PTCHD4: variants seen among roughly 807,000 people sequenced by gnomAD.
The protein encoded by PTCHD4 is patched domain-containing protein 4.
Under a neutral mutation model 58.1 loss-of-function variants are expected in PTCHD4, and 33 were observed. That is an observed-to-expected ratio of 0.57 (90% CI 0.43 to 0.76). The LOEUF (loss-of-function observed/expected upper bound fraction) is 0.76, where lower values mean the gene tolerates loss of function less well. PTCHD4 is among the 30% of genes least tolerant of loss of function. The probability of loss-of-function intolerance (pLI) is 0.00; values close to 1 mark genes in which losing one functional copy is unlikely to be tolerated. For synonymous variants in PTCHD4, 478 were observed against 409.6 expected (o/e 1.17, Z -2.02); for missense variants, 1,058 against 1,027.1 (o/e 1.03, Z -0.41).
At chr6:47,989,579 T>G (rs1054088701) in intron 4 of PTCHD4, among the ~76,000 whole-genome samples, 5 of 152,182 alleles carry the variant, frequency 3.3e-5, no homozygotes, top group African/African-American at 1.2e-4. Context: ...GGGGCCAAGG[T>G]ACAGCTCAGG....
chr6:47,948,870 C>T (rs549355979), intron 4 of PTCHD4, among the ~76,000 whole-genome samples: 1 of 152,288 alleles, frequency 6.6e-6, no homozygotes, highest in South Asian at 2.1e-4. Context: ...CTGTCCCCTC[C>T]TTACCCTCTC....
chr6:48,037,066 G>A (rs955981387), intron 3 of PTCHD4, among the ~76,000 whole-genome samples: 1 of 152,102 alleles, frequency 6.6e-6, no homozygotes, highest in Non-Finnish European at 1.5e-5. Flanking sequence ...CAGAAGATCA[G>A]TAGTAGCCTA....
At chr6:48,027,079 G>A (rs937610803) in intron 3 of PTCHD4, among the ~76,000 whole-genome samples, 3 of 151,998 alleles carry the variant, frequency 2.0e-5, no homozygotes, top group Admixed American at 6.6e-5. Context: ...GTTTACATCT[G>A]TCTATATGTT....
chr6:47,919,388 A>T (rs762387110), intron 4 of PTCHD4, among the ~76,000 whole-genome samples: 2 of 152,210 alleles, frequency 1.3e-5, no homozygotes, highest in Admixed American at 6.5e-5. Flanking sequence ...TAAATGCTAT[A>T]AGCAAAATAT....
chr6:47,915,080 G>A (rs1159550701), intron 4 of PTCHD4, among the ~76,000 whole-genome samples: 1 of 152,042 alleles, frequency 6.6e-6, no homozygotes, highest in African/African-American at 2.4e-5. Flanking sequence ...ATATTGAAAG[G>A]TCTACAGTGG....
chr6:47,937,134 C>CAGAAT, intron 4 of PTCHD4, among the ~76,000 whole-genome samples: 1 of 152,286 alleles, frequency 6.6e-6, no homozygotes. Context: ...CTTTGGTCTT[C>CAGAAT]CATCTGGGTA....
intron 3 of PTCHD4, among the ~76,000 whole-genome samples, chr6:48,013,916 GTAT>G (rs1762780081): frequency 6.6e-6 from 1 of 152,068 alleles, no homozygotes; most frequent in South Asian, 2.1e-4. Flanking sequence ...TGCTGATAAT[GTAT>G]CTGGACAAAA....
At chr6:48,001,930 C>T (rs1768738570) in intron 4 of PTCHD4, among the ~76,000 whole-genome samples, 1 of 151,450 alleles carries the variant, frequency 6.6e-6, no homozygotes, top group Admixed American at 6.6e-5. Flanking sequence ...CCAAACAACC[C>T]CATCAACAAG....
chr6:47,991,596 G>A (rs924958801), intron 4 of PTCHD4, among the ~76,000 whole-genome samples: 1 of 151,740 alleles, frequency 6.6e-6, no homozygotes, highest in Non-Finnish European at 1.5e-5. Context: ...GAGCTGTATC[G>A]AAAAGAAATA....
intron 4 of PTCHD4, among the ~76,000 whole-genome samples, chr6:48,002,211 C>T (rs1310617555): frequency 6.6e-6 from 1 of 152,172 alleles, no homozygotes; most frequent in Non-Finnish European, 1.5e-5. Flanking sequence ...GGCGATTCCT[C>T]AGGGATCTAG....
At chr6:47,895,070 G>A (rs1764492568) in intron 4 of PTCHD4, among the ~76,000 whole-genome samples, 1 of 152,172 alleles carries the variant, frequency 6.6e-6, no homozygotes, top group Non-Finnish European at 1.5e-5. Flanking sequence ...ATGAGATGGA[G>A]GTTGCAGTGA....
intron 3 of PTCHD4, among the ~76,000 whole-genome samples, chr6:48,065,142 C>A (rs1393897520): frequency 6.6e-6 from 1 of 152,134 alleles, no homozygotes; most frequent in African/African-American, 2.4e-5. Flanking sequence ...TGGAAGATGA[C>A]CTTCTGTTGT....
intron 3 of PTCHD4, among the ~76,000 whole-genome samples, chr6:48,020,188 T>C (rs1324968792): frequency 2.0e-5 from 3 of 152,106 alleles, no homozygotes; most frequent in Non-Finnish European, 4.4e-5. Context: ...GCACTAGAGA[T>C]AGGGCATGGC....
At chr6:48,013,111 C>T (rs1014946624) in intron 3 of PTCHD4, among the ~76,000 whole-genome samples, 10 of 152,102 alleles carry the variant, frequency 6.6e-5, no homozygotes, top group African/African-American at 2.4e-4. Flanking sequence ...GGAGGAGTCC[C>T]TCTTTTTCTA....
intron 4 of PTCHD4, among the ~76,000 whole-genome samples, chr6:47,911,376 C>A (rs1408925512): frequency 6.6e-6 from 1 of 152,140 alleles, no homozygotes; most frequent in Non-Finnish European, 1.5e-5. Context: ...CTCTCACTTT[C>A]TCCCTCAAGC....
chr6:47,895,849 C>T (rs1227273606), intron 4 of PTCHD4, among the ~76,000 whole-genome samples: 1 of 152,030 alleles, frequency 6.6e-6, no homozygotes, highest in African/African-American at 2.4e-5. Flanking sequence ...CCTTCTACTC[C>T]AGGTCAATCA....
chr6:47,907,053 G>A (rs1764910758), intron 4 of PTCHD4, among the ~76,000 whole-genome samples: 1 of 152,118 alleles, frequency 6.6e-6, no homozygotes, highest in Admixed American at 6.6e-5. Context: ...CCTGCATTTT[G>A]TTCTTTCCAC....
Position 47,869,294 on chromosome 6 carries a change from C to T in PTCHD4, c.*9009G>A, listed in dbSNP as rs1362147668. On this transcript the variant is annotated 3_prime_UTR_variant, in exon 5 of 5. Transcript: ENST00000339488. ...TATAGCGTGCAGCCAAAGGGATGTG[C>T]TTTGTGATTAATCTCTGGGTACTAC... Among the ~76,000 whole-genome samples the T allele has an allele frequency of 6.6e-6, 1 of 151,646 alleles. No individual in the cohort carries two copies. The highest frequency in any genetic ancestry group is 2.4e-5 in the African/African-American group (1 of 41,336).
intron 4 of PTCHD4, among the ~76,000 whole-genome samples, chr6:47,946,567 G>A (rs1473293028): frequency 6.6e-6 from 1 of 151,882 alleles, no homozygotes; most frequent in Non-Finnish European, 1.5e-5. Flanking sequence ...TTCATCCTTT[G>A]TCTATCATTA....
Sources: allele counts gnomAD v4.1 joint callset (sites outside exome capture counted in the v4.1 genomes callset), GRCh38; gene constraint gnomAD v4.1.1; transcripts MANE v1.5; gene names NCBI Gene and HGNC (gene_info 2026-07-23, HGNC 2026-07-21).